Variants in ERCC6 observed in about 807,000 individuals in gnomAD.
The protein encoded by ERCC6 is DNA excision repair protein ERCC-6.
A neutral mutation model predicts 158.7 loss-of-function variants in ERCC6; 116 were observed. The observed-to-expected ratio is 0.73, with a 90% confidence interval of 0.63 to 0.85. The LOEUF is 0.85. ERCC6 is among the 40% of genes least tolerant of loss of function. The probability of loss-of-function intolerance (pLI) is 0.00; values close to 1 mark genes in which losing one functional copy is unlikely to be tolerated. For synonymous variants in ERCC6, 678 were observed against 659.3 expected, an observed-to-expected ratio of 1.03 and a Z score of -0.43; for missense variants, 1,698 against 1,799.4, an observed-to-expected ratio of 0.94 and a Z score of 1.02.
At chr10:49,478,216 C>T (rs1252859566) in intron 11 of ERCC6, 138 bp downstream of exon 11, 18 of 775,476 alleles carry the variant, frequency 2.3e-5, no homozygotes, top group Middle Eastern at 2.3e-4. Context: ...TGAGGGCAGA[C>T]GCCACAGCGG....
At chr10:49,459,727 A>G (rs1850544273) in intron 20 of ERCC6, among the ~76,000 whole-genome samples, 2 of 152,328 alleles carry the variant, frequency 1.3e-5, no homozygotes, top group South Asian at 4.1e-4. Context: ...GCCTTAAAAA[A>G]ACACAAATCT....
rs144680222 is a variant in ERCC6 at position 49,491,410 on chromosome 10, A to G, written c.1821+1707T>C. Among the ~76,000 whole-genome samples the G allele has an allele frequency of 1.7e-4, 26 of 152,334 alleles. No homozygotes were observed. In the East Asian group the frequency reaches 4.8e-3, roughly 28 times the overall value. ...GAAACTGTAATGCTGTTTTTCCTCA[A>G]AAGTTAATTAAGAATCTTCAAGTTA... On this transcript the variant is annotated intron_variant, in intron 8 of 20. Coordinates refer to ENST00000355832, the MANE Select transcript of ERCC6 (RefSeq NM_000124.4).
the ERCC6 span, among the ~76,000 whole-genome samples, chr10:49,443,114 T>C: frequency 6.6e-6 from 1 of 152,338 alleles, no homozygotes; most frequent in Admixed American, 6.5e-5. Flanking sequence ...ACGTTCCCAG[T>C]GATTTAACAG....
rs147214586 is a variant in ERCC6 at position 49,526,362 on chromosome 10, T to C, written c.653-1585A>G. On this transcript the variant is annotated intron_variant, in intron 4 of 20. Transcript: ENST00000355832. ...TGACTAACAAAATAGGTGCCTTTCA[T>C]GAATTTATCTTTTGGATAGCCTTTT... Among the ~76,000 whole-genome samples the C allele has an allele frequency of 5.3e-3, 811 of 152,000 alleles. 6 individuals carry two copies. The highest frequency in any genetic ancestry group is 0.017 in the African/African-American group (709 of 41,454).
intron 4 of ERCC6, among the ~76,000 whole-genome samples, chr10:49,526,880 T>C (rs1256558912): frequency 6.6e-6 from 1 of 152,182 alleles, no homozygotes; most frequent in Non-Finnish European, 1.5e-5. Context: ...CAGATCTGTA[T>C]AAGGTACTAG....
At chr10:49,485,143 T>TG (rs901434813) in intron 8 of ERCC6, among the ~76,000 whole-genome samples, 10 of 152,210 alleles carry the variant, frequency 6.6e-5, no homozygotes, top group African/African-American at 2.4e-4. Context: ...GCAATGCTCC[T>TG]GCACCACATT....
chr10:49,488,642 CTT>C (rs544182243), intron 8 of ERCC6, among the ~76,000 whole-genome samples: 55 of 136,148 alleles, frequency 4.0e-4, no homozygotes, highest in South Asian at 6.9e-4. Context: ...TGGCCTCTTT[CTT>C]TTTTTTTTTT....
intron 4 of ERCC6, chr10:49,525,191 G>T: frequency 4.8e-6 from 1 of 210,446 alleles, no homozygotes; most frequent in South Asian, 7.2e-5. Context: ...TTAAATTCAA[G>T]AGACAGTAAA....
chr10:49,534,160 A>C (rs1564448005), intron 1 of ERCC6, among the ~76,000 whole-genome samples: 1 of 151,732 alleles, frequency 6.6e-6, no homozygotes, highest in Non-Finnish European at 1.5e-5. Flanking sequence ...AAAAACAAAA[A>C]AAAAACTCCA....
At chr10:49,480,444 T>A (rs1425397132) in intron 10 of ERCC6, among the ~76,000 whole-genome samples, 1 of 152,144 alleles carries the variant, frequency 6.6e-6, no homozygotes, top group Non-Finnish European at 1.5e-5. Context: ...CTTCTTAGAA[T>A]TCAATAATGC....
intron 1 of ERCC6, 138 bp downstream of exon 1, chr10:49,538,824 C>G (rs1302070601): frequency 6.6e-6 from 1 of 152,284 alleles, no homozygotes. Flanking sequence ...GGCCCTAAGA[C>G]CCGCTACAGT....
intron 3 of ERCC6, among the ~76,000 whole-genome samples, chr10:49,529,131 G>C (rs1213686144): frequency 1.3e-5 from 2 of 152,208 alleles, no homozygotes; most frequent in Non-Finnish European, 2.9e-5. Flanking sequence ...CCAGAACTCA[G>C]ATATGTGCCC....
chr10:49,538,102 C>G (rs1424131875), intron 1 of ERCC6, among the ~76,000 whole-genome samples: 2 of 152,336 alleles, frequency 1.3e-5, no homozygotes, highest in South Asian at 4.1e-4. Context: ...CAGAGAAGGG[C>G]TCCGTTCATG....
chr10:49,512,584 A>C (rs910457850), intron 5 of ERCC6, among the ~76,000 whole-genome samples: 1 of 152,258 alleles, frequency 6.6e-6, no homozygotes. Context: ...AGTTTGTAAC[A>C]GCTAATGATT....
At position 49,535,643 on chromosome 10, in the gene ERCC6, T is replaced by C. The variant is rs537245645; in HGVS notation, c.-14-2665A>G. Among the ~76,000 whole-genome samples, 3 of 152,326 alleles carry C rather than the reference T, an allele frequency of 2.0e-5. No individual in the cohort carries two copies. In the South Asian group the frequency reaches 6.2e-4, roughly 32 times the overall value. On this transcript the variant is annotated intron_variant, in intron 1 of 20. Transcript: ENST00000355832. ...AAGGATGCCAATTCAACCAAAAATATTAAGTAACCATTTTTCTATTTCTGT... is the reference window on the plus strand; with the variant it reads ...AAGGATGCCAATTCAACCAAAAATACTAAGTAACCATTTTTCTATTTCTGT...
At chr10:49,447,739 C>T in the ERCC6 span, among the ~76,000 whole-genome samples, 2 of 151,846 alleles carry the variant, frequency 1.3e-5, no homozygotes, top group Non-Finnish European at 2.9e-5. Flanking sequence ...ACTCCCCATC[C>T]CCCTCCCCAC....
In ERCC6 at chr10:49,500,551, C is replaced by T. The variant is rs2132575001; in HGVS notation, c.1672G>A (p.Gly558Ser). Residue 558 changes from glycine to serine, a missense_variant, in exon 7 of 21, where the codon GGT becomes AGT. Coordinates refer to ENST00000355832, the MANE Select transcript of ERCC6 (RefSeq NM_000124.4). Reference sequence around the variant, plus strand: ...AGGAGCACTTGCCTGTAATTTGAACCACGAGTCCTGATCTTGCTGTAGCTC... The same window carrying T: ...AGGAGCACTTGCCTGTAATTTGAACTACGAGTCCTGATCTTGCTGTAGCTC... Reference protein sequence around the residue: ...GLSYSKIRTRGSNYRFEGLGP... With the variant: ...GLSYSKIRTRSSNYRFEGLGP... 6.2e-7 allele frequency: 1 copy of T among 1,613,864 alleles called. No homozygotes were observed. Among genetic ancestry groups the T allele is most frequent in the Non-Finnish European group, 8.5e-7 (1 of 1,179,860 alleles).
At chr10:49,487,153 G>A (rs1021339738) in intron 8 of ERCC6, among the ~76,000 whole-genome samples, 4 of 152,106 alleles carry the variant, frequency 2.6e-5, no homozygotes, top group African/African-American at 9.7e-5. Context: ...GTATAAAAGG[G>A]TACAAGAAAG....
At chr10:49,516,650 A>C in intron 5 of ERCC6, 1 of 1,614,234 alleles carries the variant, frequency 6.2e-7, no homozygotes, top group Non-Finnish European at 8.5e-7. Flanking sequence ...CAATGAGTTC[A>C]ATGACCTCGT....
Sources: allele counts gnomAD v4.1 joint callset (sites outside exome capture counted in the v4.1 genomes callset), GRCh38; gene constraint gnomAD v4.1.1; transcripts MANE v1.5; gene names NCBI Gene and HGNC (gene_info 2026-07-23, HGNC 2026-07-21).